COX14: variants seen among roughly 807,000 people sequenced by gnomAD.
The protein encoded by COX14 is cytochrome c oxidase assembly factor COX14.
Under a neutral mutation model 5.8 loss-of-function variants are expected in COX14, and 3 were observed. That is an observed-to-expected ratio of 0.51 (90% CI 0.23 to 1.33). The LOEUF (loss-of-function observed/expected upper bound fraction) is 1.33. COX14 is among the 40% of genes most tolerant of loss of function. COX14 has a pLI of 0.18. For missense variants in COX14, 72 were observed against 72.1 expected (o/e 1.00, Z 0.01); for synonymous variants, 25 against 26.1 (o/e 0.96, Z 0.13).
At chr12:50,118,923 A>G (rs539574038) in intron 1 of COX14, among the ~76,000 whole-genome samples, 1 of 152,246 alleles carries the variant, frequency 6.6e-6, no homozygotes, top group African/African-American at 2.4e-5. Flanking sequence ...CATAGTCCCA[A>G]ATTGAGGGAC....
At chr12:50,116,487 G>A (rs1039140202) in intron 1 of COX14, among the ~76,000 whole-genome samples, 3 of 152,342 alleles carry the variant, frequency 2.0e-5, no homozygotes, top group African/African-American at 7.2e-5. Flanking sequence ...GATTATGTCT[G>A]TTAGTTGGTT....
chr12:50,114,352 C>T (rs1049984513), intron 1 of COX14, among the ~76,000 whole-genome samples: 4 of 150,574 alleles, frequency 2.7e-5, no homozygotes, highest in Admixed American at 1.3e-4. Context: ...TGGATTCAAG[C>T]GATTCTCCTG....
Position 50,113,022 on chromosome 12 carries a change from G to GTT in COX14, c.-9+730_-9+731dup, listed in dbSNP as rs892215196. 823 of 144,268 alleles carry GTT rather than the reference G, an allele frequency of 5.7e-3. 14 individuals carry two copies. The highest frequency in any genetic ancestry group is 0.021 in the African/African-American group (785 of 37,616). 8.9% of individuals were successfully genotyped at this position (144,268 alleles called of 1,614,324 possible). On this transcript the variant is annotated intron_variant, in intron 1 of 1. Coordinates refer to ENST00000550487, the MANE Select transcript of COX14 (RefSeq NM_032901.4). ...ACGCCCGGGTAATTTTTAAAAAAAG[G>GTT]TTTTTTTTTTGTTGTTGTTGTTGTT... is the stretch of plus-strand genomic sequence containing the variant.
intron 1 of COX14, among the ~76,000 whole-genome samples, chr12:50,114,703 C>CT (rs1412005085): frequency 6.7e-6 from 1 of 148,624 alleles, no homozygotes; most frequent in African/African-American, 2.5e-5. Flanking sequence ...TAAGCTGTAT[C>CT]TATCTAAATT....
intron 1 of COX14, among the ~76,000 whole-genome samples, chr12:50,119,291 T>C (rs1331157692): frequency 6.6e-6 from 1 of 152,278 alleles, no homozygotes; most frequent in East Asian, 1.9e-4. Context: ...AGGTTCCCAT[T>C]TGATCTTCCT....
intron 1 of COX14, chr12:50,112,621 C>A: frequency 3.7e-6 from 1 of 273,144 alleles, no homozygotes; most frequent in Non-Finnish European, 5.6e-6. Flanking sequence ...TGATAAGTGG[C>A]TCTCCGGGGC....
At chr12:50,117,596 T>G (rs1239578402) in intron 1 of COX14, among the ~76,000 whole-genome samples, 2 of 149,912 alleles carry the variant, frequency 1.3e-5, no homozygotes, top group Non-Finnish European at 3.0e-5. Flanking sequence ...TTTTTTTTTT[T>G]GAGACGGTGT....
At chr12:50,112,672 C>T (rs893058299) in intron 1 of COX14, among the ~76,000 whole-genome samples, 2 of 152,182 alleles carry the variant, frequency 1.3e-5, no homozygotes, top group Non-Finnish European at 2.9e-5. Context: ...ACCTCTTGAC[C>T]GCTTTCACTT....
rs1252365266 is a variant in COX14, at chr12:50,120,032, G to A, written c.-8-4G>A. 2 of 1,613,044 alleles carry A rather than the reference G, an allele frequency of 1.2e-6. No individual in the cohort carries two copies. Among genetic ancestry groups the A allele is most frequent in the Non-Finnish European group, 8.5e-7 (1 of 1,179,124 alleles). On this transcript the variant is annotated splice_polypyrimidine_tract_variant and splice_region_variant and intron_variant, in intron 1 of 1. Transcript: ENST00000550487. ...TCAGGTCTAAATTCAATCTGTCTTT[G>A]TAGGGGACAAGATGCCAACTGGCAA...
chr12:50,119,394 T>G (rs1436954010), intron 1 of COX14, among the ~76,000 whole-genome samples: 1 of 152,206 alleles, frequency 6.6e-6, no homozygotes, highest in Non-Finnish European at 1.5e-5. Flanking sequence ...ATGTTACCAG[T>G]TAGAGCAGCC....
chr12:50,113,929 T>C (rs1951054678), intron 1 of COX14, among the ~76,000 whole-genome samples: 1 of 147,368 alleles, frequency 6.8e-6, no homozygotes, highest in African/African-American at 2.6e-5. Context: ...CGCCCAGCCT[T>C]TTTTTTTTCT....
At chr12:50,117,038 C>T (rs1480565442) in intron 1 of COX14, among the ~76,000 whole-genome samples, 1 of 152,042 alleles carries the variant, frequency 6.6e-6, no homozygotes, top group African/African-American at 2.4e-5. Context: ...GAGACAGGGT[C>T]TCACTCTGTC....
At chr12:50,114,770 A>ATTT (rs71083507) in intron 1 of COX14, among the ~76,000 whole-genome samples, 38 of 70,642 alleles carry the variant, frequency 5.4e-4, no homozygotes, top group Non-Finnish European at 6.3e-4. Flanking sequence ...GAGTATCTTA[A>ATTT]TTTTTTTTTT....
rs893016774 is a variant in COX14, at chr12:50,112,537, T to A, written c.-9+236T>A. ...AGCTCAGCGCTAATCCTGTCAAACC[T>A]CGACTCCTGCCTGGCGTCTCGACCC... is the stretch of plus-strand genomic sequence containing the variant. On this transcript the variant is annotated intron_variant, in intron 1 of 1. Transcript: ENST00000550487. 1.2e-5 allele frequency: 11 copies of A among 936,356 alleles called. No individual in the cohort carries two copies. The African/African-American group carries it at 2.0e-4, about 17-fold the overall frequency. The allele number at this position is 936,356 out of a possible 1,614,324, so 58.0% of individuals were successfully genotyped here. A position where few individuals can be genotyped will look rare whatever the true frequency, so the allele number is the denominator to read the frequency against.
chr12:50,117,798 G>T (rs1951094922), intron 1 of COX14, among the ~76,000 whole-genome samples: 1 of 147,834 alleles, frequency 6.8e-6, no homozygotes, highest in Admixed American at 6.8e-5. Context: ...AGGCTGGAGT[G>T]CAGTGGCACG....
intron 1 of COX14, among the ~76,000 whole-genome samples, chr12:50,113,660 T>G (rs760309855): frequency 6.6e-6 from 1 of 151,224 alleles, no homozygotes; most frequent in Non-Finnish European, 1.5e-5. Flanking sequence ...TGAGACGGAG[T>G]CTCGCCCTGT....
In COX14 at chr12:50,120,223, G is replaced by A; in HGVS notation, c.*6G>A. The A allele has an allele frequency of 1.9e-6, 3 of 1,612,184 alleles. No homozygotes were observed. The highest frequency in any genetic ancestry group is 2.5e-6 in the Non-Finnish European group (3 of 1,179,380). On this transcript the variant is annotated 3_prime_UTR_variant, in exon 2 of 2. Coordinates refer to ENST00000550487, the MANE Select transcript of COX14 (RefSeq NM_032901.4). Reference sequence around the variant, plus strand: ...AGACCTCAGGAATCATGTAGAACTGGGGGGCTTTTTCTCCTGAGCAGAGAG... The same window carrying A: ...AGACCTCAGGAATCATGTAGAACTGAGGGGCTTTTTCTCCTGAGCAGAGAG...
chr12:50,115,294 G>T (rs1349484719), intron 1 of COX14, among the ~76,000 whole-genome samples: 3 of 146,618 alleles, frequency 2.0e-5, no homozygotes, highest in Non-Finnish European at 4.5e-5. Flanking sequence ...TGCTCACTGC[G>T]AGCTCCGCCT....
chr12:50,115,845 C>T (rs569332281), intron 1 of COX14, among the ~76,000 whole-genome samples: 49 of 152,178 alleles, frequency 3.2e-4, no homozygotes, highest in Non-Finnish European at 5.7e-4. Context: ...GCCACTGCAC[C>T]GGCCACGTGA....
Sources: allele counts gnomAD v4.1 joint callset (sites outside exome capture counted in the v4.1 genomes callset), GRCh38; gene constraint gnomAD v4.1.1; transcripts MANE v1.5; gene names NCBI Gene and HGNC (gene_info 2026-07-23, HGNC 2026-07-21).